The following DZIP3 variants were observed in gnomAD, a reference collection of about 807,000 sequenced individuals.
DZIP3 encodes E3 ubiquitin-protein ligase DZIP3.
In DZIP3, 118 loss-of-function variants were observed where a neutral mutation model predicts 162.0. That is an observed-to-expected ratio of 0.73 (90% CI 0.63 to 0.85). DZIP3 has a LOEUF of 0.85. DZIP3 is among the 40% of genes least tolerant of loss of function. The pLI, the probability that DZIP3 is intolerant of heterozygous loss-of-function variation, is 0.00. For missense variants in DZIP3, 1,331 were observed against 1,407.0 expected, an observed-to-expected ratio of 0.95 and a Z score of 0.86; for synonymous variants, 438 against 458.6, an observed-to-expected ratio of 0.96 and a Z score of 0.57.
intron 21 of DZIP3, among the ~76,000 whole-genome samples, chr3:108,664,852 G>T (rs1360917333): frequency 6.6e-6 from 1 of 152,134 alleles, no homozygotes; most frequent in Admixed American, 6.5e-5. Context: ...GAAGGTGTCA[G>T]TTGGACTGGG....
Position 108,647,893 on chromosome 3 carries a change from G to A in DZIP3, c.1793-50G>A, listed in dbSNP as rs753171637. The A allele has an allele frequency of 5.7e-6, 8 of 1,407,336 alleles. No homozygotes were observed. The East Asian group carries it at 1.0e-4, about 18-fold the overall frequency. The allele number at this position is 1,407,336 out of a possible 1,614,324, so 87.2% of individuals were successfully genotyped here. A position where few individuals can be genotyped will look rare whatever the true frequency, so the allele number is the denominator to read the frequency against. ...GCAAACATTATAACATTGATAAGAA[G>A]CTGAAATTGCTTTCATCTAGATTTT... On this transcript the variant is annotated intron_variant, in intron 15 of 32. Coordinates refer to ENST00000361582, the MANE Select transcript of DZIP3 (RefSeq NM_014648.4).
intron 21 of DZIP3, 77 bp from the exon 22 acceptor site, chr3:108,669,604 T>A: frequency 7.6e-7 from 1 of 1,321,610 alleles, no homozygotes; most frequent in Non-Finnish European, 1.1e-6. Context: ...CCTCCACAGC[T>A]GTAGTTAGAG....
Position 108,669,666 on chromosome 3 carries a change from T to A in DZIP3, c.2424-15T>A. ...AATTTCTAACATCTTTTGACTTTCTTGCTTGTTTGCTTAGATTACAGCGTC... is the reference window on the plus strand; with the variant it reads ...AATTTCTAACATCTTTTGACTTTCTAGCTTGTTTGCTTAGATTACAGCGTC... On this transcript the variant is annotated splice_polypyrimidine_tract_variant and intron_variant, in intron 21 of 32. Transcript: ENST00000361582. 1 of 1,609,338 alleles carries A rather than the reference T, an allele frequency of 6.2e-7. No homozygotes were observed. The highest frequency in any genetic ancestry group is 8.5e-7 in the Non-Finnish European group (1 of 1,177,182).
chr3:108,670,067 C>A (rs1038596788), intron 22 of DZIP3, among the ~76,000 whole-genome samples: 3 of 151,910 alleles, frequency 2.0e-5, no homozygotes, highest in African/African-American at 2.4e-5. Context: ...TTAGATGTGA[C>A]TGCTTTATGA....
At chr3:108,603,015 C>T (rs765516570) in intron 1 of DZIP3, 1 of 152,146 alleles carries the variant, frequency 6.6e-6, no homozygotes, top group Admixed American at 6.6e-5. Flanking sequence ...ATTTCTTTTT[C>T]AAGCTGAACA....
chr3:108,611,420 C>T (rs900112986), intron 4 of DZIP3, 91 bp downstream of exon 4: 1 of 1,463,062 alleles, frequency 6.8e-7, no homozygotes, highest in African/African-American at 1.5e-5. Flanking sequence ...CACAGTATAG[C>T]CAAGGTCTTG....
At position 108,693,706 on chromosome 3, in the gene DZIP3, T is replaced by A. The variant is rs1944783981; in HGVS notation, c.*353T>A. ...GAAGTAGTAAGAAAAGGAGTTAATA[T>A]GCAAACTAAATCACTCGCTCAATTG... On this transcript the variant is annotated 3_prime_UTR_variant, in exon 33 of 33. Transcript: ENST00000361582. 1 of 152,170 alleles carries A rather than the reference T, an allele frequency of 6.6e-6. No homozygotes were observed. Among genetic ancestry groups the A allele is most frequent in the Non-Finnish European group, 1.5e-5 (1 of 68,006 alleles). The allele number at this position is 152,170 out of a possible 1,614,324, so 9.4% of individuals were successfully genotyped here.
chr3:108,628,610 TCA>T (rs1941692497), intron 7 of DZIP3, among the ~76,000 whole-genome samples: 1 of 152,228 alleles, frequency 6.6e-6, no homozygotes, highest in Non-Finnish European at 1.5e-5. Flanking sequence ...GCATTCAATA[TCA>T]GTTTGTTTCA....
At chr3:108,603,399 A>G (rs1940142972) in intron 1 of DZIP3, among the ~76,000 whole-genome samples, 2 of 152,196 alleles carry the variant, frequency 1.3e-5, no homozygotes, top group African/African-American at 4.8e-5. Context: ...GTGAATGACA[A>G]GGTTTATTCA....
chr3:108,691,873 T>G (rs1208221008), intron 32 of DZIP3, among the ~76,000 whole-genome samples: 3 of 152,182 alleles, frequency 2.0e-5, no homozygotes, highest in Non-Finnish European at 4.4e-5. Flanking sequence ...AACCCATTTG[T>G]CTTTCCTAAA....
intron 22 of DZIP3, among the ~76,000 whole-genome samples, chr3:108,670,509 T>C (rs1943888801): frequency 6.6e-6 from 1 of 151,994 alleles, no homozygotes; most frequent in Non-Finnish European, 1.5e-5. Flanking sequence ...ATTCCTTGGC[T>C]ATACCTTATT....
Position 108,613,505 on chromosome 3 carries a change from AATG to A in DZIP3, c.258+2179_258+2181del, listed in dbSNP as rs1940835917. On this transcript the variant is annotated intron_variant, in intron 4 of 32. Transcript: ENST00000361582. ...ACCAAATATATACAGAACCTTTATG[AATG>A]ATAAGATGATAAAAATAGATAATAC... 2.0e-5 allele frequency among the ~76,000 whole-genome samples: 3 copies of A among 152,326 alleles called. No homozygotes were observed. In the Middle Eastern group the frequency reaches 0.01, roughly 518 times the overall value.
chr3:108,657,486 G>A (rs982449731), intron 19 of DZIP3, among the ~76,000 whole-genome samples: 4 of 152,240 alleles, frequency 2.6e-5, no homozygotes, highest in Admixed American at 2.0e-4. Flanking sequence ...GCTCCTGAAG[G>A]AAGCACTAAA....
chr3:108,636,568 C>A, intron 10 of DZIP3, 48 bp from the exon 11 acceptor site: 1 of 1,144,724 alleles, frequency 8.7e-7, no homozygotes, highest in Non-Finnish European at 1.2e-6. Flanking sequence ...CAGATTTGCA[C>A]ATCAGTGATT....
At chr3:108,610,576 A>T (rs1427855152) in intron 3 of DZIP3, among the ~76,000 whole-genome samples, 1 of 152,216 alleles carries the variant, frequency 6.6e-6, no homozygotes, top group African/African-American at 2.4e-5. Context: ...CAACATAATC[A>T]TATTCCTAGA....
rs1181845133 is a variant in DZIP3 at position 108,625,914 on chromosome 3, A to T, written c.526A>T (p.Asn176Tyr). The change falls in exon 7 of 33, where the codon AAC becomes TAC. Residue 176 changes from asparagine (N) to tyrosine (Y), a missense_variant. By Grantham distance (143) the Asn-to-Tyr change is moderately radical. Transcript: ENST00000361582. ...MMIQENEICE[N>Y]FMSLVYFGRG... ...GATCCAAGAAAATGAAATTTGTGAA[A>T]ACTTTATGTCTTTAGTTTATTTTGG... The T allele has an allele frequency of 3.7e-6, 6 of 1,613,760 alleles. No homozygotes were observed. In the South Asian group the frequency reaches 6.6e-5, roughly 18 times the overall value.
chr3:108,688,723 G>A lies in DZIP3; in HGVS notation c.3401G>A (p.Gly1134Glu). The A allele has an allele frequency of 6.2e-7, 1 of 1,614,026 alleles. No homozygotes were observed. Among genetic ancestry groups the A allele is most frequent in the African/African-American group, 1.3e-5 (1 of 75,046 alleles). The change falls in exon 30 of 33, where the codon GGA (glycine) becomes GAA (glutamate). Residue 1134 changes from glycine to glutamate, a missense_variant. Around this residue, in one of 2 missense-constraint regions of DZIP3, gnomAD observed 1,278 missense variants for 1,317.1 expected, o/e 0.97. Transcript: ENST00000361582. ...LTSQGPATWE[G>E]ASNPDEEEEE... is the part of the protein sequence containing the mutation. The stretch of plus-strand genomic sequence containing the variant: ...TCACAGGGTCCTGCCACATGGGAAG[G>A]AGCCAGTAATCCAGTGAGACTGAAA...
chr3:108,637,353 C>T, intron 11 of DZIP3, 143 bp from the exon 12 acceptor site: 1 of 766,208 alleles, frequency 1.3e-6, no homozygotes, highest in South Asian at 1.8e-5. Flanking sequence ...TTATTACTTA[C>T]CTTGTTATTC....
intron 5 of DZIP3, among the ~76,000 whole-genome samples, chr3:108,623,696 A>C (rs1941470632): frequency 6.6e-6 from 1 of 152,196 alleles, no homozygotes; most frequent in Non-Finnish European, 1.5e-5. Flanking sequence ...CAAGCCCAGC[A>C]CAGCACCAGG....
Sources: gnomAD v4.1 joint callset for allele counts (sites outside exome capture counted in the v4.1 genomes callset) on GRCh38, gnomAD v4.1.1 for gene constraint, gnomAD v4.1.1 regional missense constraint, MANE v1.5 for transcripts, NCBI Gene and HGNC (gene_info 2026-07-23, HGNC 2026-07-21) for gene names.